DYNC2H1: variants seen among roughly 807,000 people sequenced by gnomAD.
DYNC2H1 encodes cytoplasmic dynein 2 heavy chain 1.
A neutral mutation model predicts 570.0 loss-of-function variants in DYNC2H1; 410 were observed. The ratio of observed to expected loss-of-function variants is 0.72; its 90% CI spans 0.66 to 0.78. The LOEUF is 0.78. Ranked by LOEUF, DYNC2H1 falls within the 30% of genes least tolerant of loss-of-function variation. DYNC2H1 has a pLI of 0.00. For synonymous variants in DYNC2H1, 1,688 were observed against 1,677.6 expected (o/e 1.01, Z -0.15); for missense variants, 4,865 against 5,046.4 (o/e 0.96, Z 1.09).
At chr11:103,381,746 C>T (rs1941657725) in intron 83 of DYNC2H1, among the ~76,000 whole-genome samples, 1 of 152,208 alleles carries the variant, frequency 6.6e-6, no homozygotes, top group Non-Finnish European at 1.5e-5. Flanking sequence ...CATGCCCAAT[C>T]TTTTATTAAT....
At chr11:103,156,826 A>G (rs1860855738) in intron 26 of DYNC2H1, 56 bp downstream of exon 26, 3 of 1,565,444 alleles carry the variant, frequency 1.9e-6, no homozygotes, top group Non-Finnish European at 2.6e-6. Context: ...AAATTAATTC[A>G]TATTGTGAAG....
intron 81 of DYNC2H1, among the ~76,000 whole-genome samples, chr11:103,323,348 C>G (rs1051969724): frequency 2.0e-5 from 3 of 152,016 alleles, no homozygotes; most frequent in Admixed American, 1.3e-4. Flanking sequence ...TCACACCTCA[C>G]CAGCAAACTG....
At chr11:103,353,049 A>G (rs942349176) in intron 82 of DYNC2H1, among the ~76,000 whole-genome samples, 8 of 152,198 alleles carry the variant, frequency 5.3e-5, no homozygotes, top group African/African-American at 1.2e-4. Context: ...ACACAGGAAC[A>G]GAGAACCAAA....
chr11:103,288,684 T>TTAAAAAAAAA (rs1401919829), intron 75 of DYNC2H1, among the ~76,000 whole-genome samples: 3 of 27,904 alleles, frequency 1.1e-4, no homozygotes, highest in Admixed American at 6.4e-4. Flanking sequence ...CCGTCTCTAC[T>TTAAAAAAAAA]AAAAAAAAAA....
In DYNC2H1 at chr11:103,391,190, T is replaced by G. The variant is rs375478872; in HGVS notation, c.12157-8473T>G. The stretch of plus-strand genomic sequence containing the variant: ...GTCCCATATTTCTTGGAGGCTTTGT[T>G]CATTTCTTTTTACTCTTTTTTCTCT... On this transcript the variant is annotated intron_variant, in intron 83 of 88. Coordinates refer to ENST00000375735, the MANE Select transcript of DYNC2H1 (RefSeq NM_001377.3). 5.3e-5 allele frequency among the ~76,000 whole-genome samples: 8 copies of G among 152,194 alleles called. No individual in the cohort carries two copies. In the South Asian group the frequency reaches 6.2e-4, roughly 12 times the overall value.
intron 14 of DYNC2H1, among the ~76,000 whole-genome samples, 154 bp from the exon 15 acceptor site, chr11:103,134,167 C>T (rs1471500459): frequency 6.6e-6 from 1 of 152,046 alleles, no homozygotes; most frequent in Non-Finnish European, 1.5e-5. Context: ...GATGTTTTGC[C>T]CTTCTCAGTA....
chr11:103,251,370 C>A (rs1205987499), intron 65 of DYNC2H1, among the ~76,000 whole-genome samples: 2 of 151,308 alleles, frequency 1.3e-5, no homozygotes, highest in African/African-American at 4.9e-5. Flanking sequence ...TATACTTTGC[C>A]ATTCTTTAAC....
At chr11:103,310,673 C>CTTTTTTTTTTTTTTTTTTTTTTTTTT in intron 78 of DYNC2H1, among the ~76,000 whole-genome samples, 1 of 39,124 alleles carries the variant, frequency 2.6e-5, no homozygotes, top group Non-Finnish European at 5.6e-5. Context: ...AGTGTATTTT[C>CTTTTTTTTTTTTTTTTTTTTTTTTTT]TTTTTTTTTT....
chr11:103,212,798 A>G (rs1863208360), intron 54 of DYNC2H1, among the ~76,000 whole-genome samples: 1 of 152,100 alleles, frequency 6.6e-6, no homozygotes, highest in South Asian at 2.1e-4. Flanking sequence ...TAAGGTACTA[A>G]CTATACGGGC....
chr11:103,326,494 C>T lies in DYNC2H1; in HGVS notation c.12039+2504C>T, dbSNP rs1204156067. ...CCTCTCAGTGATCTGAGGGTGGGCG[C>T]TTCTCCCCAGCTCCAGTGTTGGCCG... On this transcript the variant is annotated intron_variant, in intron 82 of 88. Transcript: ENST00000375735. This position sits in a 1 kb window ranked among gnomAD's most constrained non-coding sequence, Gnocchi z 6.1. Among the ~76,000 whole-genome samples, 2 of 152,182 alleles carry T rather than the reference C, an allele frequency of 1.3e-5. No individual in the cohort carries two copies. Among genetic ancestry groups the T allele is most frequent in the Admixed American group, 6.5e-5 (1 of 15,284 alleles).
At chr11:103,388,117 G>T (rs1272064529) in intron 83 of DYNC2H1, among the ~76,000 whole-genome samples, 2 of 152,164 alleles carry the variant, frequency 1.3e-5, no homozygotes, top group Non-Finnish European at 2.9e-5. Context: ...TCACGATAAT[G>T]ATTCTTCCTA....
rs1864129647 is a variant in DYNC2H1, at chr11:103,234,108, C to T, written c.9515C>T (p.Ala3172Val). Reference protein sequence around the residue: ...VSKAQETIKAAEVLINQLDRE... With the variant: ...VSKAQETIKAVEVLINQLDRE... The stretch of plus-strand genomic sequence containing the variant: ...AAGGCACAAGAAACAATCAAAGCTG[C>T]AGAAGTCTTAATTAATCAGCTTGAC... The change falls in exon 61 of 89, where the codon GCA (alanine) becomes GTA (valine). Residue 3172 changes from alanine (A) to valine (V), a missense_variant. Transcript: ENST00000375735. 1.3e-6 allele frequency: 2 copies of T among 1,574,518 alleles called. No individual in the cohort carries two copies. The highest frequency in any genetic ancestry group is 1.2e-5 in the South Asian group (1 of 85,654).
chr11:103,334,072 A>C lies in DYNC2H1; in HGVS notation c.12039+10082A>C, dbSNP rs1259778363. Among the ~76,000 whole-genome samples, 1 of 152,200 alleles carries C rather than the reference A, an allele frequency of 6.6e-6. No homozygotes were observed. The highest frequency in any genetic ancestry group is 1.5e-5 in the Non-Finnish European group (1 of 68,026). ...TGTTGCCTGGAAAGAAATGGTGTAAAATTTGTTATTTTTGAACAAAAGTCA... is the reference window on the plus strand; with the variant it reads ...TGTTGCCTGGAAAGAAATGGTGTAACATTTGTTATTTTTGAACAAAAGTCA... On this transcript the variant is annotated intron_variant, in intron 82 of 88. Coordinates refer to ENST00000375735, the MANE Select transcript of DYNC2H1 (RefSeq NM_001377.3). This position sits in a 1 kb window ranked among gnomAD's most constrained non-coding sequence, Gnocchi z 4.3.
chr11:103,133,712 A>G lies in DYNC2H1; in HGVS notation c.2106+5A>G, dbSNP rs886047560. On this transcript the variant is annotated splice_donor_5th_base_variant and intron_variant, in intron 14 of 88. Coordinates refer to ENST00000375735, the MANE Select transcript of DYNC2H1 (RefSeq NM_001377.3). This position sits in a 1 kb window ranked among gnomAD's most constrained non-coding sequence, Gnocchi z 4.8. ...CACACTACATTTTGTGAAAAGGTATATTTTGTTTATAAAATTGAATAAGCT... is the reference window on the plus strand; with the variant it reads ...CACACTACATTTTGTGAAAAGGTATGTTTTGTTTATAAAATTGAATAAGCT... The G allele has an allele frequency of 1.1e-5, 17 of 1,578,352 alleles. No individual in the cohort carries two copies. The East Asian group carries it at 3.9e-4, about 37-fold the overall frequency.
chr11:103,170,437 CAG>C lies in DYNC2H1; in HGVS notation c.5151+150_5151+151del, dbSNP rs1218166285. 14 of 876,124 alleles carry C rather than the reference CAG, an allele frequency of 1.6e-5. No individual in the cohort carries two copies. The East Asian group carries it at 4.1e-4, about 25-fold the overall frequency. The allele number at this position is 876,124 out of a possible 1,614,324, so 54.3% of individuals were successfully genotyped here. A position where few individuals can be genotyped will look rare whatever the true frequency, so the allele number is the denominator to read the frequency against. Reference sequence around the variant, plus strand: ...TGTTTAAATTGAAATGTAAAATGGACAGAGGTTGTACGTAGTATAGTCCAAAA... The same window carrying C: ...TGTTTAAATTGAAATGTAAAATGGACAGGTTGTACGTAGTATAGTCCAAAA... On this transcript the variant is annotated intron_variant, in intron 33 of 88. Transcript: ENST00000375735. This position sits in a 1 kb window ranked among gnomAD's most constrained non-coding sequence, Gnocchi z 4.8.
At chr11:103,444,974 G>T (rs1944377710) in intron 85 of DYNC2H1, among the ~76,000 whole-genome samples, 1 of 152,276 alleles carries the variant, frequency 6.6e-6, no homozygotes, top group South Asian at 2.1e-4. Flanking sequence ...ATTAAAAGGT[G>T]ATTCCGCTGG....
chr11:103,424,437 T>A (rs986245966), intron 84 of DYNC2H1, among the ~76,000 whole-genome samples: 1 of 152,092 alleles, frequency 6.6e-6, no homozygotes, highest in Non-Finnish European at 1.5e-5. Context: ...ACTTAACATA[T>A]TTGCCCACTA....
intron 70 of DYNC2H1, among the ~76,000 whole-genome samples, chr11:103,273,147 T>G (rs906870265): frequency 6.6e-6 from 1 of 151,298 alleles, no homozygotes; most frequent in African/African-American, 2.4e-5. Flanking sequence ...CCTCCCCTTT[T>G]CTTTTCTTTT....
rs565472286 is a variant in DYNC2H1 at position 103,264,124 on chromosome 11, G to C, written c.10695+4147G>C. Among the ~76,000 whole-genome samples the C allele has an allele frequency of 2.0e-5, 3 of 151,846 alleles. No individual in the cohort carries two copies. Among genetic ancestry groups the C allele is most frequent in the African/African-American group, 4.8e-5 (2 of 41,326 alleles). ...ATCTAGAAGAAATGGATAAATTCCT[G>C]GACACATACACCCTCCCAAGACTAA... On this transcript the variant is annotated intron_variant, in intron 70 of 88. Coordinates refer to ENST00000375735, the MANE Select transcript of DYNC2H1 (RefSeq NM_001377.3). The surrounding 1 kb of genome is among the most constrained non-coding windows in gnomAD (Gnocchi z 4.8).
Sources: gnomAD v4.1 joint callset for allele counts (sites outside exome capture counted in the v4.1 genomes callset) on GRCh38, gnomAD v4.1.1 for gene constraint, Gnocchi (gnomAD v3.1) non-coding constraint, MANE v1.5 for transcripts, NCBI Gene and HGNC (gene_info 2026-07-23, HGNC 2026-07-21) for gene names.